STRN: variants seen among roughly 807,000 people sequenced by gnomAD.
The protein encoded by STRN is protein phosphatase 2 regulatory subunit B'''alpha.
In STRN, 53 loss-of-function variants were observed where a neutral mutation model predicts 96.3. The observed-to-expected ratio is 0.55, with a 90% CI of 0.44 to 0.69. STRN has a LOEUF of 0.69. Among genes scored for constraint, STRN ranks in the 30% least tolerant of loss-of-function variants. STRN has a pLI of 0.00. For synonymous variants in STRN, 428 were observed against 355.9 expected (o/e 1.20, Z -2.28); for missense variants, 987 against 963.9 (o/e 1.02, Z -0.32).
At chr2:36,898,759 C>T (rs1167375839) in intron 6 of STRN, among the ~76,000 whole-genome samples, 2 of 152,174 alleles carry the variant, frequency 1.3e-5, no homozygotes, top group African/African-American at 4.8e-5. Context: ...ACTTTACTTT[C>T]CTCCTCTCTA....
At chr2:36,955,725 CCAA>C (rs1363120005) in intron 1 of STRN, among the ~76,000 whole-genome samples, 1 of 152,192 alleles carries the variant, frequency 6.6e-6, no homozygotes, top group African/African-American at 2.4e-5. Flanking sequence ...TCCCCTACCT[CCAA>C]CACACAACTC....
rs961301790 is a variant in STRN, at chr2:36,845,775, T to C, written c.*3681A>G. 6.6e-6 allele frequency: 1 copy of C among 151,980 alleles called. No homozygotes were observed. Among genetic ancestry groups the C allele is most frequent in the African/African-American group, 2.4e-5 (1 of 41,372 alleles). The allele number at this position is 151,980 out of a possible 1,614,324, so 9.4% of individuals were successfully genotyped here. Reference sequence around the variant, plus strand: ...CAAAATTCTTGGAAAGTATATATGGTGCTCAGAAGAGCACAAAGCGCATGA... The same window carrying C: ...CAAAATTCTTGGAAAGTATATATGGCGCTCAGAAGAGCACAAAGCGCATGA... On this transcript the variant is annotated 3_prime_UTR_variant, in exon 18 of 18. Coordinates refer to ENST00000263918, the MANE Select transcript of STRN (RefSeq NM_003162.4).
chr2:36,889,468 A>AG (rs11429356), intron 7 of STRN, among the ~76,000 whole-genome samples: 130,235 of 152,008 alleles, frequency 0.86, 57,624 homozygotes, highest in Non-Finnish European at 0.96. Context: ...TTGGGTCCCC[A>AG]AATGTCTTCA....
intron 3 of STRN, among the ~76,000 whole-genome samples, chr2:36,906,201 C>T (rs1225224155): frequency 1.3e-5 from 2 of 152,170 alleles, no homozygotes; most frequent in Non-Finnish European, 2.9e-5. Context: ...TGGTGGCTCA[C>T]GCCTATAATC....
intron 8 of STRN, among the ~76,000 whole-genome samples, chr2:36,884,319 C>T (rs563935819): frequency 5.3e-4 from 81 of 152,188 alleles, no homozygotes; most frequent in Non-Finnish European, 9.7e-4. Flanking sequence ...AAAGAATGCT[C>T]GTGTCCAGTT....
At chr2:36,938,724 A>T (rs955572099) in intron 1 of STRN, among the ~76,000 whole-genome samples, 1 of 152,164 alleles carries the variant, frequency 6.6e-6, no homozygotes, top group African/African-American at 2.4e-5. Flanking sequence ...CTATTGTCCT[A>T]TCACTGACTT....
intron 12 of STRN, among the ~76,000 whole-genome samples, chr2:36,865,354 G>A (rs1157434062): frequency 6.6e-6 from 1 of 152,020 alleles, no homozygotes; most frequent in Admixed American, 6.5e-5. Flanking sequence ...TGTTTATTTG[G>A]ATCTTCTCTT....
At chr2:36,912,690 C>T (rs1373734268) in intron 3 of STRN, among the ~76,000 whole-genome samples, 2 of 152,162 alleles carry the variant, frequency 1.3e-5, no homozygotes, top group Non-Finnish European at 2.9e-5. Flanking sequence ...CCACCAGTAC[C>T]ATATGTTGAT....
chr2:36,927,599 T>C (rs1572680901), intron 1 of STRN, among the ~76,000 whole-genome samples: 1 of 142,528 alleles, frequency 7.0e-6, no homozygotes, highest in Admixed American at 7.3e-5. Flanking sequence ...GAGACTGAGG[T>C]GAGAGGATAG....
intron 1 of STRN, among the ~76,000 whole-genome samples, chr2:36,962,183 T>A (rs1458430801): frequency 6.6e-6 from 1 of 152,168 alleles, no homozygotes; most frequent in Non-Finnish European, 1.5e-5. Context: ...TGAAAAATAT[T>A]TGGGGAGTGA....
chr2:36,853,519 T>G (rs1197776309), intron 15 of STRN, among the ~76,000 whole-genome samples: 1 of 152,200 alleles, frequency 6.6e-6, no homozygotes, highest in Non-Finnish European at 1.5e-5. Flanking sequence ...GCTTCTCCAC[T>G]TGATGATAAA....
chr2:36,859,293 C>G (rs1466527295), intron 13 of STRN, among the ~76,000 whole-genome samples: 1 of 151,996 alleles, frequency 6.6e-6, no homozygotes, highest in Admixed American at 6.6e-5. Context: ...TTTCAGCAGA[C>G]AAAAAGAGTG....
intron 1 of STRN, among the ~76,000 whole-genome samples, chr2:36,964,780 A>G (rs935626776): frequency 4.6e-5 from 7 of 152,130 alleles, no homozygotes; most frequent in African/African-American, 1.4e-4. Flanking sequence ...TGCCACTATA[A>G]GCCATTATAT....
intron 10 of STRN, among the ~76,000 whole-genome samples, chr2:36,876,589 T>A (rs1668918926): frequency 6.6e-6 from 1 of 152,118 alleles, no homozygotes; most frequent in Non-Finnish European, 1.5e-5. Context: ...ATCCCCTGCA[T>A]GGTACCTGTG....
At position 36,842,862 on chromosome 2, in the gene STRN, C is replaced by A. The variant is rs950526404; in HGVS notation, c.*6594G>T. On this transcript the variant is annotated 3_prime_UTR_variant, in exon 18 of 18. Coordinates refer to ENST00000263918, the MANE Select transcript of STRN (RefSeq NM_003162.4). ...TCTGGTCATCCTGAGAAGTAACAGG[C>A]GGAGGGATGCTCCATGATTATAATG... is the stretch of plus-strand genomic sequence containing the variant. Among the ~76,000 whole-genome samples the A allele has an allele frequency of 3.9e-5, 6 of 152,058 alleles. No homozygotes were observed.
intron 1 of STRN, among the ~76,000 whole-genome samples, chr2:36,965,420 A>AT (rs1665134456): frequency 6.6e-6 from 1 of 152,234 alleles, no homozygotes; most frequent in Admixed American, 6.5e-5. Context: ...GATATACTTT[A>AT]TCTTGCAGAT....
chr2:36,883,570 T>C (rs987959815), intron 9 of STRN, among the ~76,000 whole-genome samples: 1 of 152,218 alleles, frequency 6.6e-6, no homozygotes, highest in African/African-American at 2.4e-5. Context: ...TCAATTATCA[T>C]TAATAAATTG....
chr2:36,911,296 A>G (rs1572668385), intron 3 of STRN, among the ~76,000 whole-genome samples: 1 of 152,334 alleles, frequency 6.6e-6, no homozygotes, highest in African/African-American at 2.4e-5. Flanking sequence ...CAACTATGAT[A>G]GATGCAAACT....
intron 10 of STRN, among the ~76,000 whole-genome samples, chr2:36,873,836 G>A (rs1212883528): frequency 2.0e-5 from 3 of 151,858 alleles, no homozygotes; most frequent in South Asian, 2.1e-4. Context: ...TCAGCTACCC[G>A]AGAGGCTGAG....
Sources: gnomAD v4.1 joint callset for allele counts (sites outside exome capture counted in the v4.1 genomes callset) on GRCh38, gnomAD v4.1.1 for gene constraint, MANE v1.5 for transcripts, NCBI Gene and HGNC (gene_info 2026-07-23, HGNC 2026-07-21) for gene names.